The following AMBRA1 variants were observed in gnomAD, a reference collection of about 807,000 sequenced individuals.
AMBRA1 encodes activating molecule in BECN1-regulated autophagy protein 1.
A neutral mutation model predicts 125.4 loss-of-function variants in AMBRA1; 47 were observed. The ratio of observed to expected loss-of-function variants is 0.37; its 90% CI spans 0.30 to 0.48. The LOEUF is 0.48. Ranked by LOEUF, AMBRA1 falls within the 20% of genes least tolerant of loss-of-function variation. The pLI is 0.99. For missense variants in AMBRA1, 1,331 were observed against 1,693.4 expected (o/e 0.79, Z 3.76); for synonymous variants, 626 against 655.5 (o/e 0.95, Z 0.69).
At chr11:46,488,895 T>C (rs1049259790) in intron 11 of AMBRA1, among the ~76,000 whole-genome samples, 7 of 152,090 alleles carry the variant, frequency 4.6e-5, no homozygotes, top group South Asian at 4.1e-4. Flanking sequence ...CACCGTTCAG[T>C]AAAAAGGTTT....
intron 16 of AMBRA1, among the ~76,000 whole-genome samples, chr11:46,409,835 A>G (rs1334341349): frequency 6.6e-6 from 1 of 152,264 alleles, no homozygotes; most frequent in Non-Finnish European, 1.5e-5. Context: ...TAGTGAATTA[A>G]GTGATGAAAG....
chr11:46,462,815 G>A (rs1312894023), intron 11 of AMBRA1, among the ~76,000 whole-genome samples: 5 of 151,628 alleles, frequency 3.3e-5, no homozygotes, highest in Admixed American at 6.6e-5. Flanking sequence ...GCAGTGGTGC[G>A]ATCCCAGCTC....
chr11:46,499,372 C>T (rs956610253), intron 9 of AMBRA1, among the ~76,000 whole-genome samples: 5 of 152,168 alleles, frequency 3.3e-5, no homozygotes, highest in African/African-American at 1.2e-4. Flanking sequence ...TCTTTCTCTT[C>T]TTCTGCATTC....
chr11:46,420,253 T>G (rs1016789578), intron 14 of AMBRA1, among the ~76,000 whole-genome samples: 2 of 152,204 alleles, frequency 1.3e-5, no homozygotes, highest in African/African-American at 4.8e-5. Context: ...CTTAAATCTT[T>G]GCTCTAACTG....
intron 1 of AMBRA1, among the ~76,000 whole-genome samples, chr11:46,592,737 G>A (rs917841350): frequency 6.6e-6 from 1 of 151,584 alleles, no homozygotes; most frequent in African/African-American, 2.4e-5. Context: ...CAGTTTGGGC[G>A]ACAGAGCTAG....
Position 46,408,589 on chromosome 11 carries a change from A to C in AMBRA1, c.3327T>G (p.Leu1109=). 1.2e-6 allele frequency: 2 copies of C among 1,608,402 alleles called. No homozygotes were observed. Among genetic ancestry groups the C allele is most frequent in the East Asian group, 4.5e-5 (2 of 44,504 alleles). Residue 1109 remains leucine, a synonymous_variant, in exon 17 of 18, where the codon CTT becomes CTG. Transcript: ENST00000683756. ...TCTGTGTTTCGGCATTCTGCAGCTG[A>C]AGGGCCAGAGTCTGGGTGCCCTGAG... ...VTSQGTQTLA[L]QLQNAETQTE...
At chr11:46,471,760 T>C (rs1433048498) in intron 11 of AMBRA1, among the ~76,000 whole-genome samples, 2 of 151,738 alleles carry the variant, frequency 1.3e-5, no homozygotes, top group South Asian at 2.1e-4. Flanking sequence ...CCTGAGTAAC[T>C]GGGACTACAG....
intron 11 of AMBRA1, among the ~76,000 whole-genome samples, chr11:46,453,071 G>A (rs111933477): frequency 0.05 from 7,594 of 151,900 alleles, 591 homozygotes; most frequent in African/African-American, 0.17. Context: ...CCTAAATACC[G>A]TACCCATTAA....
intron 11 of AMBRA1, among the ~76,000 whole-genome samples, chr11:46,464,762 C>A (rs550821206): frequency 3.0e-4 from 46 of 151,832 alleles, no homozygotes; most frequent in African/African-American, 8.7e-4. Flanking sequence ...AACACCGAGA[C>A]AAGGCCGGGC....
intron 5 of AMBRA1, among the ~76,000 whole-genome samples, chr11:46,545,306 A>T (rs962384185): frequency 2.0e-5 from 3 of 151,730 alleles, no homozygotes; most frequent in African/African-American, 7.3e-5. Context: ...TTAAAAATAC[A>T]AAAAAATGAG....
intron 1 of AMBRA1, among the ~76,000 whole-genome samples, chr11:46,569,559 C>A (rs1478244185): frequency 1.3e-5 from 2 of 151,332 alleles, no homozygotes; most frequent in Non-Finnish European, 2.9e-5. Context: ...CTGAGTTAGC[C>A]ATATTCAGTG....
rs1471706936 is a variant in AMBRA1, at chr11:46,547,818, T to C, written c.193A>G (p.Arg65Gly). The C allele has an allele frequency of 1.9e-6, 3 of 1,610,988 alleles. No individual in the cohort carries two copies. The highest frequency in any genetic ancestry group is 1.3e-5 in the African/African-American group (1 of 74,738). ...STFLLAFSPDRTLLASTHVNH... is the reference protein window; with the variant it reads ...STFLLAFSPDGTLLASTHVNH... ...AAGTTATAGATAAATACTGAGTACCTGTCTGGGCTGAAGGCCAATAAGAAG... is the reference window on the plus strand; with the variant it reads ...AAGTTATAGATAAATACTGAGTACCCGTCTGGGCTGAAGGCCAATAAGAAG... The change falls in exon 3 of 18, where the codon AGG (arginine) becomes GGG (glycine). Residue 65 changes from arginine (R) to glycine (G), a missense_variant and splice_region_variant. Physicochemically the swap from Arg to Gly is moderately radical, Grantham distance 125. Transcript: ENST00000683756.
intron 11 of AMBRA1, among the ~76,000 whole-genome samples, chr11:46,465,187 A>T (rs1250220572): frequency 6.6e-6 from 1 of 152,126 alleles, no homozygotes; most frequent in African/African-American, 2.4e-5. Context: ...ATCCAATCCT[A>T]AACTTACTTA....
intron 9 of AMBRA1, among the ~76,000 whole-genome samples, chr11:46,496,171 C>T (rs544853256): frequency 6.6e-6 from 1 of 151,664 alleles, no homozygotes; most frequent in East Asian, 1.9e-4. Flanking sequence ...GTCAGGAGTT[C>T]GAGACCAGCC....
chr11:46,433,803 T>C (rs1057335376), intron 13 of AMBRA1, among the ~76,000 whole-genome samples, 175 bp from the exon 14 acceptor site: 14 of 152,284 alleles, frequency 9.2e-5, no homozygotes, highest in Admixed American at 7.8e-4. Context: ...ATACTGAGTG[T>C]AGTGTTTGAC....
intron 7 of AMBRA1, among the ~76,000 whole-genome samples, chr11:46,536,638 AC>A (rs971200246): frequency 1.3e-5 from 2 of 152,152 alleles, no homozygotes; most frequent in African/African-American, 4.8e-5. Context: ...CCCCGCAGAC[AC>A]CCATTTATTT....
chr11:46,423,581 C>T lies in AMBRA1; in HGVS notation c.2977-5529G>A, dbSNP rs188661331. Among the ~76,000 whole-genome samples the T allele has an allele frequency of 1.8e-3, 273 of 150,774 alleles. 6 individuals are homozygous for T. In the East Asian group the frequency reaches 0.044, roughly 24 times the overall value. On this transcript the variant is annotated intron_variant, in intron 14 of 17. Transcript: ENST00000683756. ...TAGTTTTTTGTATTTTTAGTAGAGA[C>T]GGGGTTTCACCGTATTAGCCAGGAT...
intron 16 of AMBRA1, among the ~76,000 whole-genome samples, chr11:46,409,573 G>C (rs1303759358): frequency 1.3e-5 from 2 of 152,176 alleles, no homozygotes; most frequent in African/African-American, 4.8e-5. Context: ...TGCAGGTAGG[G>C]AGCACAGGCT....
chr11:46,400,865 T>C (rs1945719977), intron 17 of AMBRA1, among the ~76,000 whole-genome samples: 1 of 152,086 alleles, frequency 6.6e-6, no homozygotes, highest in South Asian at 2.1e-4. Flanking sequence ...CTGCCCTCCA[T>C]CCCTCAAGGT....
Sources: gnomAD v4.1 joint callset for allele counts (sites outside exome capture counted in the v4.1 genomes callset) on GRCh38, gnomAD v4.1.1 for gene constraint, MANE v1.5 for transcripts, NCBI Gene and HGNC (gene_info 2026-07-23, HGNC 2026-07-21) for gene names.